CNOT6L: variants seen among roughly 807,000 people sequenced by gnomAD.
CNOT6L encodes the protein CCR4-NOT transcription complex subunit 6-like.
Under a neutral mutation model 64.0 loss-of-function variants are expected in CNOT6L, and 7 were observed. That is an observed-to-expected ratio of 0.11 (90% CI 0.06 to 0.21). The LOEUF (loss-of-function observed/expected upper bound fraction) is 0.21, where lower values mean the gene tolerates loss of function less well. CNOT6L is among the 10% of genes least tolerant of loss of function. CNOT6L has a pLI of 1.00. For missense variants in CNOT6L, 245 were observed against 669.0 expected, an observed-to-expected ratio of 0.37 and a Z score of 6.99; for synonymous variants, 193 against 243.4, an observed-to-expected ratio of 0.79 and a Z score of 1.93.
rs1306681055 is a variant in CNOT6L at position 77,720,224 on chromosome 4, T to C, written c.*207A>G. On this transcript the variant is annotated 3_prime_UTR_variant, in exon 12 of 12. Transcript: ENST00000504123. The stretch of plus-strand genomic sequence containing the variant: ...TTTAAAAACATGTTAAATTAAAATT[T>C]TGTAAAGAGAGTAATACTTTGGTTC... The C allele has an allele frequency of 2.1e-6, 1 of 486,772 alleles. No individual in the cohort carries two copies. Among genetic ancestry groups the C allele is most frequent in the East Asian group, 3.2e-5 (1 of 30,950 alleles). The allele number at this position is 486,772 out of a possible 1,614,324, so 30.2% of individuals were successfully genotyped here.
At chr4:77,812,369 C>G (rs1733044377) in intron 1 of CNOT6L, among the ~76,000 whole-genome samples, 1 of 150,140 alleles carries the variant, frequency 6.7e-6, no homozygotes, top group Admixed American at 6.7e-5. Flanking sequence ...ACCCAGGAGG[C>G]AGAGGTTGTA....
intron 5 of CNOT6L, among the ~76,000 whole-genome samples, chr4:77,753,674 AAAAT>A (rs754652027): frequency 6.4e-4 from 98 of 152,098 alleles, no homozygotes; most frequent in African/African-American, 2.2e-3. Context: ...CCATCTCATA[AAAAT>A]AAATAAATAA....
intron 1 of CNOT6L, among the ~76,000 whole-genome samples, chr4:77,800,507 T>C (rs1198657049): frequency 2.0e-5 from 3 of 151,520 alleles, no homozygotes; most frequent in Admixed American, 2.0e-4. Context: ...CAAGACCCTG[T>C]CTCTTAAAAA....
At chr4:77,813,421 T>C (rs1371164388) in intron 1 of CNOT6L, among the ~76,000 whole-genome samples, 29 of 152,100 alleles carry the variant, frequency 1.9e-4, no homozygotes. Flanking sequence ...AACAAGAATT[T>C]CACTTCATCA....
At chr4:77,790,699 C>T (rs1730029209) in intron 1 of CNOT6L, among the ~76,000 whole-genome samples, 1 of 151,872 alleles carries the variant, frequency 6.6e-6, no homozygotes. Context: ...AAAAAACTTT[C>T]CCCACTTTTT....
chr4:77,713,725 C>G lies in CNOT6L; in HGVS notation c.*6706G>C, dbSNP rs2109820852. The G allele has an allele frequency of 6.6e-6, 1 of 152,600 alleles. No individual in the cohort carries two copies. Among genetic ancestry groups the G allele is most frequent in the East Asian group, 1.9e-4 (1 of 5,176 alleles). 9.5% of individuals were successfully genotyped at this position (152,600 alleles called of 1,614,324 possible). ...AACATCTCAGCTGAGCAGTTTTGGT[C>G]AAGATTCAGACCTCATCAACTGTTT... On this transcript the variant is annotated 3_prime_UTR_variant, in exon 12 of 12. Transcript: ENST00000504123.
intron 1 of CNOT6L, among the ~76,000 whole-genome samples, chr4:77,794,050 G>T (rs1730490676): frequency 6.8e-6 from 1 of 147,204 alleles, no homozygotes; most frequent in African/African-American, 2.5e-5. Flanking sequence ...TACTTGGGAG[G>T]GTGAGGCAGG....
At chr4:77,748,143 C>T (rs894516576) in intron 6 of CNOT6L, among the ~76,000 whole-genome samples, 173 bp downstream of exon 6, 1 of 152,028 alleles carries the variant, frequency 6.6e-6, no homozygotes, top group Non-Finnish European at 1.5e-5. Context: ...ATATAAGACA[C>T]CTATTGACAG....
At chr4:77,810,919 T>C (rs1732863328) in intron 1 of CNOT6L, among the ~76,000 whole-genome samples, 1 of 152,168 alleles carries the variant, frequency 6.6e-6, no homozygotes, top group Admixed American at 6.5e-5. Context: ...TCCTGGCTTA[T>C]TCCACTTAAC....
intron 1 of CNOT6L, among the ~76,000 whole-genome samples, chr4:77,788,849 TATA>T (rs2110102325): frequency 6.6e-6 from 1 of 150,916 alleles, no homozygotes; most frequent in Admixed American, 6.6e-5. Context: ...GGCAATAAAA[TATA>T]ATGCCACTTT....
rs970716042 is a variant in CNOT6L, at chr4:77,716,014, T to A, written c.*4417A>T. On this transcript the variant is annotated 3_prime_UTR_variant, in exon 12 of 12. Transcript: ENST00000504123. ...TAAAACTTTAGTTCAAGCTTCTGGC[T>A]TCCCTAGTTAATTTCTCTACCTACA... The A allele has an allele frequency of 6.6e-6, 1 of 152,432 alleles. No homozygotes were observed. The highest frequency in any genetic ancestry group is 2.4e-5 in the African/African-American group (1 of 41,434). The allele number at this position is 152,432 out of a possible 1,614,324, so 9.4% of individuals were successfully genotyped here.
rs142888128 is a variant in CNOT6L at position 77,743,586 on chromosome 4, CTTTTTTTTTTTTT to C, written c.717+1119_717+1131del. 3.2e-3 allele frequency among the ~76,000 whole-genome samples: 224 copies of C among 70,888 alleles called. 1 individual carries two copies. Among genetic ancestry groups the C allele is most frequent in the Middle Eastern group, 0.016 (1 of 62 alleles). 46.5% of individuals were successfully genotyped at this position (70,888 alleles called of 152,430 possible). The stretch of plus-strand genomic sequence containing the variant: ...GAATGTGTGAAATTGTAACACACAA[CTTTTTTTTTTTTT>C]TTTTTTTTTTTTTTTTTTTTGAGAC... On this transcript the variant is annotated intron_variant, in intron 7 of 11. Transcript: ENST00000504123.
At position 77,719,474 on chromosome 4, in the gene CNOT6L, T is replaced by G. The variant is rs897731952; in HGVS notation, c.*957A>C. 4 of 152,572 alleles carry G rather than the reference T, an allele frequency of 2.6e-5. No homozygotes were observed. The highest frequency in any genetic ancestry group is 9.7e-5 in the African/African-American group (4 of 41,448). The allele number at this position is 152,572 out of a possible 1,614,324, so 9.5% of individuals were successfully genotyped here. ...CTGTATGATTTTCCCCATCTGAAAC[T>G]TTGATCAAGGCCTTTTTATTCAGCA... On this transcript the variant is annotated 3_prime_UTR_variant, in exon 12 of 12. Transcript: ENST00000504123.
chr4:77,805,667 T>TATATTAC, intron 1 of CNOT6L, among the ~76,000 whole-genome samples: 1 of 152,208 alleles, frequency 6.6e-6, no homozygotes, highest in Non-Finnish European at 1.5e-5. Flanking sequence ...GAGAAGCATA[T>TATATTAC]ATATTACTAT....
At chr4:77,819,191 T>G in intron 1 of CNOT6L, 113 bp downstream of exon 1, 1 of 1,599,860 alleles carries the variant, frequency 6.3e-7, no homozygotes, top group Non-Finnish European at 8.5e-7. Context: ...CCCGCCAAAG[T>G]CCCAACTCGC....
intron 4 of CNOT6L, among the ~76,000 whole-genome samples, chr4:77,769,379 AT>A (rs1727284377): frequency 6.6e-6 from 1 of 152,120 alleles, no homozygotes; most frequent in Non-Finnish European, 1.5e-5. Context: ...CAACAGGGCT[AT>A]TTTGTCATAT....
chr4:77,757,145 C>A (rs1000887727), intron 4 of CNOT6L, among the ~76,000 whole-genome samples, 194 bp from the exon 5 acceptor site: 2 of 151,958 alleles, frequency 1.3e-5, no homozygotes, highest in Admixed American at 1.3e-4. Flanking sequence ...AAAATTTGGG[C>A]TTGTCCAAAA....
intron 1 of CNOT6L, among the ~76,000 whole-genome samples, chr4:77,810,053 G>A (rs189253100): frequency 2.2e-4 from 33 of 151,680 alleles, no homozygotes; most frequent in Non-Finnish European, 4.3e-4. Flanking sequence ...ATTTTAAAGC[G>A]GACTAAAAAT....
At chr4:77,724,395 T>C (rs1326939345) in intron 11 of CNOT6L, among the ~76,000 whole-genome samples, 3 of 151,386 alleles carry the variant, frequency 2.0e-5, no homozygotes, top group Non-Finnish European at 1.5e-5. Context: ...TCCCAGCACT[T>C]TGGGAGGCTG....
Sources: allele counts gnomAD v4.1 joint callset (sites outside exome capture counted in the v4.1 genomes callset), GRCh38; gene constraint gnomAD v4.1.1; transcripts MANE v1.5; gene names NCBI Gene and HGNC (gene_info 2026-07-23, HGNC 2026-07-21).